The following KIF13B variants were observed in gnomAD, a reference collection of about 807,000 sequenced individuals.
The protein encoded by KIF13B is kinesin family member 13B.
In KIF13B, 127 loss-of-function variants were observed where a neutral mutation model predicts 222.0. That is an observed-to-expected ratio of 0.57 (90% CI 0.50 to 0.66). The LOEUF is 0.66. Among genes scored for constraint, KIF13B ranks in the 30% least tolerant of loss-of-function variants. The pLI, the probability that KIF13B is intolerant of heterozygous loss-of-function variation, is 0.00. For missense variants in KIF13B, 2,173 were observed against 2,379.0 expected (o/e 0.91, Z 1.80); for synonymous variants, 976 against 919.0 (o/e 1.06, Z -1.12).
intron 10 of KIF13B, among the ~76,000 whole-genome samples, chr8:29,171,386 C>T (rs1198106327): frequency 3.3e-5 from 5 of 151,778 alleles, no homozygotes; most frequent in African/African-American, 1.2e-4. Context: ...ATGTTACACA[C>T]ATTAAGAGCA....
intron 30 of KIF13B, among the ~76,000 whole-genome samples, chr8:29,117,621 A>G (rs764592225): frequency 2.0e-5 from 3 of 152,166 alleles, no homozygotes; most frequent in Non-Finnish European, 4.4e-5. Context: ...TACAGAATGC[A>G]TAGCCGCTGG....
intron 36 of KIF13B, among the ~76,000 whole-genome samples, chr8:29,095,029 C>T (rs1232741949): frequency 6.7e-6 from 1 of 149,090 alleles, no homozygotes; most frequent in Non-Finnish European, 1.5e-5. Context: ...AACAATCTAA[C>T]CTATGAGTAA....
At chr8:29,104,675 G>A (rs1208553161) in intron 35 of KIF13B, among the ~76,000 whole-genome samples, 2 of 152,062 alleles carry the variant, frequency 1.3e-5, no homozygotes, top group Admixed American at 6.5e-5. Context: ...GGGACATGAC[G>A]TCAAGATGCC....
chr8:29,224,552 G>A (rs1028550853), intron 2 of KIF13B, among the ~76,000 whole-genome samples: 22 of 152,252 alleles, frequency 1.4e-4, no homozygotes, highest in African/African-American at 4.6e-4. Flanking sequence ...CACAGGTACT[G>A]CTAATACTAT....
At chr8:29,134,605 T>C (rs917170152) in intron 21 of KIF13B, among the ~76,000 whole-genome samples, 3 of 152,184 alleles carry the variant, frequency 2.0e-5, no homozygotes, top group Admixed American at 1.3e-4. Flanking sequence ...TTGTCAGGCA[T>C]AGCGAATGAA....
At chr8:29,218,567 G>A (rs2130512837) in intron 2 of KIF13B, among the ~76,000 whole-genome samples, 1 of 152,340 alleles carries the variant, frequency 6.6e-6, no homozygotes, top group East Asian at 1.9e-4. Context: ...CCAGAAGGCA[G>A]AAGATTCTAA....
At chr8:29,229,745 A>C (rs886253921) in intron 2 of KIF13B, among the ~76,000 whole-genome samples, 2 of 152,174 alleles carry the variant, frequency 1.3e-5, no homozygotes, top group East Asian at 3.8e-4. Context: ...GAAACCCACA[A>C]TCCCTTAAAT....
At chr8:29,173,990 A>AT (rs892665755) in intron 10 of KIF13B, among the ~76,000 whole-genome samples, 7 of 152,046 alleles carry the variant, frequency 4.6e-5, no homozygotes, top group Non-Finnish European at 1.0e-4. Flanking sequence ...TTAAAAAAAA[A>AT]TTTTTTAAAT....
rs1807231511 is a variant in KIF13B, at chr8:29,070,785, G to A, written c.5219-19C>T. 1 of 1,582,906 alleles carries A rather than the reference G, an allele frequency of 6.3e-7. No homozygotes were observed. Among genetic ancestry groups the A allele is most frequent in the Non-Finnish European group, 8.6e-7 (1 of 1,165,292 alleles). ...TTCTTACCTGCGGGGGAAGGAGAGG[G>A]TGATATGGAGGGCAGCCGAGCTGCA... On this transcript the variant is annotated intron_variant, in intron 39 of 39. Transcript: ENST00000524189. The surrounding 1 kb of genome is among the most constrained non-coding windows in gnomAD (Gnocchi z 4.1).
intron 16 of KIF13B, 138 bp from the exon 17 acceptor site, chr8:29,147,740 C>T: frequency 1.5e-6 from 1 of 650,328 alleles, no homozygotes; most frequent in Non-Finnish European, 2.6e-6. Flanking sequence ...ATAAACTTAG[C>T]TTTCCTGACT....
At chr8:29,170,418 G>T (rs1812187240) in intron 10 of KIF13B, among the ~76,000 whole-genome samples, 1 of 152,180 alleles carries the variant, frequency 6.6e-6, no homozygotes, top group African/African-American at 2.4e-5. Flanking sequence ...CACTAGGGAG[G>T]ATGCTGGTAA....
chr8:29,146,884 G>A (rs1811083177), intron 17 of KIF13B, among the ~76,000 whole-genome samples: 1 of 152,206 alleles, frequency 6.6e-6, no homozygotes, highest in Non-Finnish European at 1.5e-5. Flanking sequence ...CCAGGTAAAA[G>A]GGAAGCTGCC....
intron 2 of KIF13B, among the ~76,000 whole-genome samples, chr8:29,199,592 AAAAG>A (rs1156848589): frequency 4.1e-4 from 59 of 144,002 alleles, no homozygotes; most frequent in Middle Eastern, 3.5e-3. Context: ...AAAAAAAAAA[AAAAG>A]AAAGAAATCC....
chr8:29,167,357 C>G lies in KIF13B; in HGVS notation c.1158+16G>C, dbSNP rs113258751. 1.5e-4 allele frequency: 247 copies of G among 1,599,682 alleles called. No homozygotes were observed. The African/African-American group carries it at 2.8e-3, about 18-fold the overall frequency. On this transcript the variant is annotated intron_variant, in intron 11 of 39. Coordinates refer to ENST00000524189, the MANE Select transcript of KIF13B (RefSeq NM_015254.4). ...TCTTCCTGGACTCACAGGGCGCACG[C>G]GGTGGTGCCTCCTACCTCTGCTTTG...
intron 2 of KIF13B, among the ~76,000 whole-genome samples, chr8:29,198,864 G>A (rs1271720033): frequency 1.3e-5 from 2 of 152,136 alleles, no homozygotes; most frequent in Admixed American, 6.5e-5. Flanking sequence ...TGGGAATTAA[G>A]CTATGAGCAT....
chr8:29,216,925 T>C (rs2130504621), intron 2 of KIF13B, among the ~76,000 whole-genome samples: 1 of 151,306 alleles, frequency 6.6e-6, no homozygotes, highest in South Asian at 2.1e-4. Flanking sequence ...CCTTTCTCCA[T>C]ATCTGGGCCT....
Position 29,070,736 on chromosome 8 carries a change from T to C in KIF13B, c.5249A>G (p.Gln1750Arg), listed in dbSNP as rs1807226190. The stretch of plus-strand genomic sequence containing the variant: ...GTAGCCAGGGTTACACCTGAAGTAC[T>C]GCTTCCCGCCGATGGAACCGTCATT... ...GKNDGSIGGK[Q>R]YFRCNPGYGL... The change falls in exon 40 of 40, where the codon CAG (glutamine) becomes CGG (arginine). Residue 1750 changes from glutamine (Q) to arginine (R), a missense_variant. By Grantham distance (43) the Gln-to-Arg change is conservative. Coordinates refer to ENST00000524189, the MANE Select transcript of KIF13B (RefSeq NM_015254.4). The surrounding 1 kb of genome is among the most constrained non-coding windows in gnomAD (Gnocchi z 4.1). 4 of 1,565,100 alleles carry C rather than the reference T, an allele frequency of 2.6e-6. No individual in the cohort carries two copies. Among genetic ancestry groups the C allele is most frequent in the African/African-American group, 1.4e-5 (1 of 73,696 alleles).
intron 31 of KIF13B, 127 bp from the exon 32 acceptor site, chr8:29,113,682 G>C: frequency 1.5e-6 from 1 of 677,844 alleles, no homozygotes; most frequent in East Asian, 2.7e-5. Flanking sequence ...TCCAACATAA[G>C]CAAGTGAAAT....
chr8:29,113,076 A>G (rs1809430721), intron 32 of KIF13B, among the ~76,000 whole-genome samples: 1 of 152,190 alleles, frequency 6.6e-6, no homozygotes, highest in East Asian at 1.9e-4. Flanking sequence ...AAAAAAAAAT[A>G]TGGGCTCAGA....
Sources: gnomAD v4.1 joint callset for allele counts (sites outside exome capture counted in the v4.1 genomes callset) on GRCh38, gnomAD v4.1.1 for gene constraint, Gnocchi (gnomAD v3.1) non-coding constraint, MANE v1.5 for transcripts, NCBI Gene and HGNC (gene_info 2026-07-23, HGNC 2026-07-21) for gene names.